Variants in SLC1A3 observed in about 807,000 individuals in gnomAD.
SLC1A3 encodes excitatory amino acid transporter 1.
A neutral mutation model predicts 48.1 loss-of-function variants in SLC1A3; 21 were observed. The ratio of observed to expected loss-of-function variants is 0.44; its 90% CI spans 0.31 to 0.63. SLC1A3 has a LOEUF of 0.63. Ranked by LOEUF, SLC1A3 falls within the 20% of genes least tolerant of loss-of-function variation. SLC1A3 has a pLI of 0.08. For missense variants in SLC1A3, 546 were observed against 689.0 expected, an observed-to-expected ratio of 0.79 and a Z score of 2.32; for synonymous variants, 239 against 251.4, an observed-to-expected ratio of 0.95 and a Z score of 0.47.
chr5:36,642,715 G>A (rs1645658), intron 3 of SLC1A3, among the ~76,000 whole-genome samples: 39,779 of 151,728 alleles, frequency 0.26, 5,307 homozygotes, highest in East Asian at 0.38. Flanking sequence ...ATCACCCCCC[G>A]ATTCCCCCAA....
At chr5:36,684,653 G>C (rs1383863729) in intron 9 of SLC1A3, among the ~76,000 whole-genome samples, 1 of 152,026 alleles carries the variant, frequency 6.6e-6, no homozygotes, top group African/African-American at 2.4e-5. Context: ...CTTTCCCCAG[G>C]ATGCCCAAAG....
intron 3 of SLC1A3, among the ~76,000 whole-genome samples, chr5:36,670,160 T>G (rs1450041039): frequency 2.0e-5 from 3 of 152,200 alleles, no homozygotes; most frequent in African/African-American, 7.2e-5. Flanking sequence ...GGAACTGTGT[T>G]CCATTAGCTA....
chr5:36,634,169 G>C (rs552233909), intron 3 of SLC1A3, among the ~76,000 whole-genome samples: 1 of 151,972 alleles, frequency 6.6e-6, no homozygotes, highest in Non-Finnish European at 1.5e-5. Context: ...CCAGCTACTC[G>C]GGAGTCTGAG....
At chr5:36,620,567 A>C (rs1041745165) in intron 2 of SLC1A3, among the ~76,000 whole-genome samples, 1 of 152,180 alleles carries the variant, frequency 6.6e-6, no homozygotes, top group African/African-American at 2.4e-5. Flanking sequence ...TGTGCTCAGC[A>C]CCAGCTGGGG....
chr5:36,652,514 G>A (rs1411661892), intron 3 of SLC1A3, among the ~76,000 whole-genome samples: 1 of 152,188 alleles, frequency 6.6e-6, no homozygotes, highest in Admixed American at 6.5e-5. Context: ...AGAACAATGT[G>A]TGTTTGGTGT....
upstream of SLC1A3, among the ~76,000 whole-genome samples, chr5:36,604,120 T>G (rs1334535527): frequency 3.3e-5 from 5 of 152,212 alleles, no homozygotes; most frequent in East Asian, 7.7e-4. Flanking sequence ...ACTGATAACA[T>G]ACTTCATCAC....
intron 1 of SLC1A3, among the ~76,000 whole-genome samples, chr5:36,600,352 G>T (rs963604874): frequency 6.6e-6 from 1 of 152,106 alleles, no homozygotes; most frequent in Non-Finnish European, 1.5e-5. Flanking sequence ...CTTCAGTTTG[G>T]AGGAGAGGAC....
intron 2 of SLC1A3, among the ~76,000 whole-genome samples, chr5:36,625,968 C>T (rs1739887874): frequency 1.3e-5 from 2 of 152,176 alleles, no homozygotes; most frequent in Non-Finnish European, 2.9e-5. Flanking sequence ...CTTTGCTTCC[C>T]TTACTGTCTT....
intron 2 of SLC1A3, among the ~76,000 whole-genome samples, chr5:36,624,211 T>G (rs1739809124): frequency 6.6e-6 from 1 of 152,236 alleles, no homozygotes. Context: ...CTTCGTTAAG[T>G]AAAATCAACA....
At chr5:36,619,201 T>C (rs1267715303) in intron 2 of SLC1A3, among the ~76,000 whole-genome samples, 1 of 151,286 alleles carries the variant, frequency 6.6e-6, no homozygotes, top group Non-Finnish European at 1.5e-5. Context: ...AACAGAGGAG[T>C]GGGGGAGGGT....
upstream of SLC1A3, among the ~76,000 whole-genome samples, chr5:36,605,052 T>C (rs1162427172): frequency 6.6e-6 from 1 of 152,180 alleles, no homozygotes; most frequent in East Asian, 1.9e-4. Flanking sequence ...AACTAGTAAT[T>C]GTGTTTTAAC....
intron 2 of SLC1A3, among the ~76,000 whole-genome samples, chr5:36,615,650 A>T (rs529018358): frequency 3.9e-5 from 6 of 152,322 alleles, no homozygotes; most frequent in African/African-American, 1.4e-4. Flanking sequence ...AGAAAACCAC[A>T]GGCTTTTGTT....
chr5:36,633,129 A>C (rs911289519), intron 3 of SLC1A3, among the ~76,000 whole-genome samples: 5 of 152,248 alleles, frequency 3.3e-5, no homozygotes, highest in African/African-American at 1.2e-4. Context: ...TGGCTGACTT[A>C]GCCTGATTAA....
intron 2 of SLC1A3, among the ~76,000 whole-genome samples, chr5:36,611,361 CT>C (rs745757344): frequency 4.3e-4 from 62 of 143,116 alleles, no homozygotes; most frequent in Non-Finnish European, 9.3e-4. Flanking sequence ...TTTTTTTTGC[CT>C]TTTTGAAATA....
At chr5:36,601,792 CTT>C (rs1179140789), upstream of SLC1A3, among the ~76,000 whole-genome samples, 1 of 145,322 alleles carries the variant, frequency 6.9e-6, no homozygotes, top group Non-Finnish European at 1.5e-5. Flanking sequence ...AACTCATTGG[CTT>C]TTTTTTTTCC....
intron 3 of SLC1A3, among the ~76,000 whole-genome samples, chr5:36,640,604 T>C (rs1740576493): frequency 6.6e-6 from 1 of 152,150 alleles, no homozygotes; most frequent in Non-Finnish European, 1.5e-5. Context: ...AGTAGCTGAG[T>C]TTTGTGATTC....
intron 2 of SLC1A3, among the ~76,000 whole-genome samples, chr5:36,615,196 G>A (rs977159648): frequency 4.6e-5 from 7 of 152,182 alleles, no homozygotes; most frequent in African/African-American, 1.7e-4. Context: ...TACAGGCCCG[G>A]CTCCATCAAC....
In SLC1A3 at chr5:36,688,113, C is replaced by T. The variant is rs928176082; in HGVS notation, c.*1844C>T. 4 of 152,188 alleles carry T rather than the reference C, an allele frequency of 2.6e-5. No individual in the cohort carries two copies. The East Asian group carries it at 7.7e-4, about 29-fold the overall frequency. The allele number at this position is 152,188 out of a possible 1,614,324, so 9.4% of individuals were successfully genotyped here. On this transcript the variant is annotated 3_prime_UTR_variant, in exon 10 of 10. Coordinates refer to ENST00000265113, the MANE Select transcript of SLC1A3 (RefSeq NM_004172.5). ...AAATGTTAAAGTACGTGGCTGTCCT[C>T]TTAAGACACTAGTAGAGCAAAGACT...
At chr5:36,629,847 T>A in intron 3 of SLC1A3, 1 of 465,798 alleles carries the variant, frequency 2.1e-6, no homozygotes. Flanking sequence ...CGAGGTGCCC[T>A]GCTAAACACC....
Sources: gnomAD v4.1 joint callset for allele counts (sites outside exome capture counted in the v4.1 genomes callset) on GRCh38, gnomAD v4.1.1 for gene constraint, MANE v1.5 for transcripts, NCBI Gene and HGNC (gene_info 2026-07-23, HGNC 2026-07-21) for gene names.